Variants in CACNA1E observed in about 807,000 individuals in gnomAD.
CACNA1E encodes the protein voltage-dependent R-type calcium channel subunit alpha-1E.
In CACNA1E, 40 loss-of-function variants were observed where a neutral mutation model predicts 259.2. The observed-to-expected ratio is 0.15, with a 90% CI of 0.12 to 0.20. The LOEUF (loss-of-function observed/expected upper bound fraction) is 0.20, where lower values mean the gene tolerates loss of function less well. Among genes scored for constraint, CACNA1E ranks in the 10% least tolerant of loss-of-function variants. The probability of loss-of-function intolerance (pLI) is 1.00; values close to 1 mark genes in which losing one functional copy is unlikely to be tolerated. For synonymous variants in CACNA1E, 1,104 were observed against 1,138.5 expected (o/e 0.97, Z 0.61); for missense variants, 1,874 against 3,040.1 (o/e 0.62, Z 9.02).
chr1:181,520,818 C>A (rs1440067226), intron 3 of CACNA1E, among the ~76,000 whole-genome samples: 1 of 152,130 alleles, frequency 6.6e-6, no homozygotes, highest in Non-Finnish European at 1.5e-5. Flanking sequence ...GAAAATGTTA[C>A]ATTTTCTAGA....
intron 27 of CACNA1E, among the ~76,000 whole-genome samples, chr1:181,752,892 C>A (rs1300981026): frequency 6.6e-6 from 1 of 152,196 alleles, no homozygotes; most frequent in South Asian, 2.1e-4. Context: ...CCACCTTCCA[C>A]GAGTCTCCCT....
intron 17 of CACNA1E, 86 bp from the exon 18 acceptor site, chr1:181,725,979 C>G (rs1392404919): frequency 1.2e-6 from 1 of 836,136 alleles, no homozygotes; most frequent in African/African-American, 1.7e-5. Context: ...ACTTGGTATT[C>G]AGAACTCCTC....
intron 2 of CACNA1E, among the ~76,000 whole-genome samples, chr1:181,414,924 T>C (rs976709890): frequency 2.0e-5 from 3 of 152,230 alleles, no homozygotes; most frequent in African/African-American, 7.2e-5. Context: ...TGAGATGCCA[T>C]GGTAAGAGCA....
In CACNA1E at chr1:181,717,430, G is replaced by T. The variant is rs1056711529; in HGVS notation, c.1525+128G>T. ...TCTACCTCTTCACGCTGTGAGGGAGGCCACATCGTCCTCAAGGGGGCTGGA... is the reference window on the plus strand; with the variant it reads ...TCTACCTCTTCACGCTGTGAGGGAGTCCACATCGTCCTCAAGGGGGCTGGA... On this transcript the variant is annotated intron_variant, in intron 11 of 47. Coordinates refer to ENST00000367573, the MANE Select transcript of CACNA1E (RefSeq NM_001205293.3). 4 of 728,628 alleles carry T rather than the reference G, an allele frequency of 5.5e-6. No homozygotes were observed. The Admixed American group carries it at 8.7e-5, about 16-fold the overall frequency. The allele number at this position is 728,628 out of a possible 1,614,324, so 45.1% of individuals were successfully genotyped here. A position where few individuals can be genotyped will look rare whatever the true frequency, so the allele number is the denominator to read the frequency against.
chr1:181,400,704 G>A (rs1057105998), intron 1 of CACNA1E, among the ~76,000 whole-genome samples: 2 of 152,080 alleles, frequency 1.3e-5, no homozygotes, highest in Non-Finnish European at 2.9e-5. Flanking sequence ...GGAGCTTTAG[G>A]GATAGGGAGT....
chr1:181,417,865 G>A lies in CACNA1E; in HGVS notation c.434+4285G>A, dbSNP rs143401548. On this transcript the variant is annotated intron_variant, in intron 2 of 11. Coordinates refer to the CACNA1E transcript ENST00000524607. Reference sequence around the variant, plus strand: ...TGCTGCATCTGGTCCCTGGTACCAGGCCTTTACCTTCTGTTACTGTGGACT... The same window carrying A: ...TGCTGCATCTGGTCCCTGGTACCAGACCTTTACCTTCTGTTACTGTGGACT... Among the ~76,000 whole-genome samples, 920 of 152,300 alleles carry A rather than the reference G, an allele frequency of 6.0e-3. 8 individuals carry two copies. Among genetic ancestry groups the A allele is most frequent in the African/African-American group, 0.02 (840 of 41,558 alleles).
intron 1 of CACNA1E, among the ~76,000 whole-genome samples, chr1:181,345,425 T>G (rs144521906): frequency 6.6e-6 from 1 of 152,232 alleles, no homozygotes; most frequent in East Asian, 1.9e-4. Flanking sequence ...TGTGGCCACA[T>G]GCCGAGTTGC....
chr1:181,589,646 G>T (rs1652436281), intron 6 of CACNA1E, among the ~76,000 whole-genome samples: 2 of 152,118 alleles, frequency 1.3e-5, no homozygotes, highest in African/African-American at 4.8e-5. Context: ...TTGAGTCCAG[G>T]AGTTCAAGGC....
At chr1:181,747,809 C>A (rs1462956475) in intron 25 of CACNA1E, among the ~76,000 whole-genome samples, 1 of 152,198 alleles carries the variant, frequency 6.6e-6, no homozygotes, top group Non-Finnish European at 1.5e-5. Context: ...GTCTTCCTTG[C>A]AATCTTGTTG....
intron 6 of CACNA1E, among the ~76,000 whole-genome samples, chr1:181,585,399 T>A (rs1651956936): frequency 6.6e-6 from 1 of 152,206 alleles, no homozygotes; most frequent in Non-Finnish European, 1.5e-5. Flanking sequence ...ATTCACCAAA[T>A]AATTTTTAAG....
At chr1:181,634,452 C>T (rs1323563417) in intron 6 of CACNA1E, among the ~76,000 whole-genome samples, 1 of 152,232 alleles carries the variant, frequency 6.6e-6, no homozygotes, top group Non-Finnish European at 1.5e-5. Flanking sequence ...AGAATTCTAA[C>T]ACTAGCCTGT....
chr1:181,798,709 C>T lies in CACNA1E; in HGVS notation c.6817C>T (p.Arg2273Trp), dbSNP rs1047211592. Residue 2273 changes from arginine (R) to tryptophan (W), a missense_variant, in exon 48 of 48, where the codon CGG becomes TGG. Arg to Trp is a moderately radical substitution (Grantham distance 101). This residue lies in a region of CACNA1E where 542 missense variants were observed against 587.2 expected (regional missense o/e 0.92). Coordinates refer to ENST00000367573, the MANE Select transcript of CACNA1E (RefSeq NM_001205293.3). The surrounding 1 kb of genome is among the most constrained non-coding windows in gnomAD (Gnocchi z 4.2). The stretch of plus-strand genomic sequence containing the variant: ...CACCATCGGCTCAGCCCCACCCCTG[C>T]GGCATAGCTGGCAGATGCCCAACGG... ...SNTIGSAPPLRHSWQMPNGHY... is the reference protein window; with the variant it reads ...SNTIGSAPPLWHSWQMPNGHY... 36 of 1,608,306 alleles carry T rather than the reference C, an allele frequency of 2.2e-5. No homozygotes were observed. The highest frequency in any genetic ancestry group is 2.6e-5 in the Non-Finnish European group (31 of 1,176,606).
At chr1:181,630,357 C>A (rs1214077013) in intron 6 of CACNA1E, among the ~76,000 whole-genome samples, 1 of 151,072 alleles carries the variant, frequency 6.6e-6, no homozygotes, top group African/African-American at 2.4e-5. Flanking sequence ...TGTCTTCATG[C>A]ATGGGACAAA....
intron 6 of CACNA1E, among the ~76,000 whole-genome samples, chr1:181,595,705 C>A (rs562186230): frequency 6.6e-6 from 1 of 152,234 alleles, no homozygotes; most frequent in East Asian, 1.9e-4. Flanking sequence ...GATAACACTC[C>A]CCACAGGCGA....
rs376774223 is a variant in CACNA1E, at chr1:181,755,259, C to A, written c.3851C>A (p.Thr1284Asn). The A allele has an allele frequency of 3.1e-6, 5 of 1,613,714 alleles. No homozygotes were observed. The African/African-American group carries it at 5.3e-5, about 17-fold the overall frequency. ...KLKAVFDCVV[T>N]SLKNVFNILI... is the part of the protein sequence containing the mutation. ...CAGGCCGTCTTCGACTGCGTAGTGA[C>A]CTCCTTGAAGAATGTCTTCAACATA... The change falls in exon 28 of 48, where the codon ACC (threonine) becomes AAC (asparagine). Residue 1284 changes from threonine (T) to asparagine (N), a missense_variant. By Grantham distance (65) the Thr-to-Asn change is moderately conservative (BLOSUM62 0). Coordinates refer to ENST00000367573, the MANE Select transcript of CACNA1E (RefSeq NM_001205293.3).
rs371803586 is a variant in CACNA1E at position 181,798,447 on chromosome 1, T to C, written c.6555T>C (p.Pro2185=). Reference sequence around the variant, plus strand: ...GACACGCGGGCAGCATCTCTCCACCTGCTGATGGAAGCGAGGAGGGCTCCC... The same window carrying C: ...GACACGCGGGCAGCATCTCTCCACCCGCTGATGGAAGCGAGGAGGGCTCCC... ...LIRHAGSISP[P]ADGSEEGSPL... is the part of the protein sequence containing the mutation. The change falls in exon 48 of 48, where the codon CCT becomes CCC. Residue 2185 remains proline, a synonymous_variant. Transcript: ENST00000367573. This position sits in a 1 kb window ranked among gnomAD's most constrained non-coding sequence, Gnocchi z 4.2. 1.3e-4 allele frequency: 209 copies of C among 1,613,874 alleles called. No homozygotes were observed. The highest frequency in any genetic ancestry group is 1.7e-4 in the Non-Finnish European group (199 of 1,179,894).
chr1:181,510,945 G>A (rs1009610160), intron 2 of CACNA1E, among the ~76,000 whole-genome samples: 5 of 152,176 alleles, frequency 3.3e-5, no homozygotes, highest in Admixed American at 1.3e-4. Flanking sequence ...CAATGCTTAC[G>A]TCCTTATTCT....
At chr1:181,621,496 C>T (rs998828166) in intron 6 of CACNA1E, among the ~76,000 whole-genome samples, 3 of 152,098 alleles carry the variant, frequency 2.0e-5, no homozygotes, top group Non-Finnish European at 2.9e-5. Context: ...TTACTATGTC[C>T]GTGGTTCTCT....
At chr1:181,713,282 T>C (rs1428723699) in intron 8 of CACNA1E, among the ~76,000 whole-genome samples, 2 of 152,150 alleles carry the variant, frequency 1.3e-5, no homozygotes, top group African/African-American at 4.8e-5. Context: ...GACTTGACTG[T>C]CTGGCTAAGA....
Sources: gnomAD v4.1 joint callset for allele counts (sites outside exome capture counted in the v4.1 genomes callset) on GRCh38, gnomAD v4.1.1 for gene constraint, gnomAD v4.1.1 regional missense constraint, Gnocchi (gnomAD v3.1) non-coding constraint, MANE v1.5 for transcripts, NCBI Gene and HGNC (gene_info 2026-07-23, HGNC 2026-07-21) for gene names.